The following GPC6 variants were observed in gnomAD, a reference collection of about 807,000 sequenced individuals.
The protein encoded by GPC6 is glypican 6, also known as glypican-6.
GPC6 carries 14 observed loss-of-function variants against 55.2 expected under a neutral mutation model. That is an observed-to-expected ratio of 0.25 (90% CI 0.17 to 0.40). GPC6 has a LOEUF of 0.40. GPC6 is among the 10% of genes least tolerant of loss of function. The probability of loss-of-function intolerance (pLI) is 1.00; values close to 1 mark genes in which losing one functional copy is unlikely to be tolerated. For missense variants in GPC6, 641 were observed against 708.5 expected (o/e 0.90, Z 1.08); for synonymous variants, 278 against 259.6 (o/e 1.07, Z -0.68).
intron 4 of GPC6, among the ~76,000 whole-genome samples, chr13:94,111,184 T>C (rs1180659313): frequency 3.3e-5 from 5 of 152,090 alleles, no homozygotes; most frequent in African/African-American, 1.2e-4. Context: ...TATTTTGTTT[T>C]TTCTCGTTGT....
chr13:93,606,516 A>T (rs561519830), intron 2 of GPC6, among the ~76,000 whole-genome samples: 3 of 152,352 alleles, frequency 2.0e-5, no homozygotes, highest in South Asian at 2.1e-4. Flanking sequence ...TGGTTTGCCC[A>T]CATCTAGGTT....
intron 1 of GPC6, among the ~76,000 whole-genome samples, chr13:93,300,112 A>G (rs1288952046): frequency 6.6e-6 from 1 of 152,240 alleles, no homozygotes; most frequent in African/African-American, 2.4e-5. Context: ...CACCGTTTAC[A>G]TAACACAAGT....
At chr13:94,268,000 A>C (rs1200725024) in intron 4 of GPC6, among the ~76,000 whole-genome samples, 2 of 152,252 alleles carry the variant, frequency 1.3e-5, no homozygotes, top group Non-Finnish European at 2.9e-5. Context: ...AACAGCTAAC[A>C]GTGGAGAGGC....
intron 1 of GPC6, among the ~76,000 whole-genome samples, chr13:93,447,232 C>T (rs2139296560): frequency 6.6e-6 from 1 of 152,244 alleles, no homozygotes; most frequent in South Asian, 2.1e-4. Context: ...GAATTTGTTG[C>T]TTCTTTATAT....
chr13:94,242,377 A>G (rs1891080934), intron 4 of GPC6, among the ~76,000 whole-genome samples: 1 of 152,114 alleles, frequency 6.6e-6, no homozygotes, highest in South Asian at 2.1e-4. Context: ...CATTTGACCC[A>G]GCCATCCCAG....
intron 1 of GPC6, among the ~76,000 whole-genome samples, chr13:93,445,819 G>GT (rs1206846547): frequency 6.6e-6 from 1 of 152,146 alleles, no homozygotes; most frequent in Non-Finnish European, 1.5e-5. Context: ...ATATATGAAT[G>GT]TCAGGAATTT....
chr13:93,248,754 G>C (rs903692601), intron 1 of GPC6, among the ~76,000 whole-genome samples: 15 of 152,194 alleles, frequency 9.9e-5, no homozygotes, highest in African/African-American at 3.4e-4. Context: ...CCAGCCTGTA[G>C]GTGCACCACC....
At chr13:94,007,610 TC>T (rs1384192612) in intron 3 of GPC6, among the ~76,000 whole-genome samples, 3 of 152,178 alleles carry the variant, frequency 2.0e-5, no homozygotes, top group African/African-American at 7.2e-5. Flanking sequence ...GTCTTTGTCG[TC>T]CTTTTCCCCC....
intron 4 of GPC6, among the ~76,000 whole-genome samples, chr13:94,264,848 G>A (rs1279962780): frequency 1.3e-5 from 2 of 152,308 alleles, no homozygotes; most frequent in South Asian, 4.1e-4. Context: ...TCATAATCAT[G>A]GCAGAAGGTG....
chr13:94,346,798 G>A (rs1022369508), intron 6 of GPC6, among the ~76,000 whole-genome samples: 2 of 152,030 alleles, frequency 1.3e-5, no homozygotes, highest in Non-Finnish European at 2.9e-5. Flanking sequence ...GGAGACAGGG[G>A]GAGGTCTTGA....
At chr13:93,918,980 T>A (rs7328176) in intron 3 of GPC6, among the ~76,000 whole-genome samples, 2 of 151,938 alleles carry the variant, frequency 1.3e-5, no homozygotes, top group Non-Finnish European at 2.9e-5. Context: ...GTGTGGGAGG[T>A]GGAACCTGGT....
chr13:94,225,973 C>T (rs1183088565), intron 4 of GPC6, among the ~76,000 whole-genome samples: 1 of 152,020 alleles, frequency 6.6e-6, no homozygotes, highest in Non-Finnish European at 1.5e-5. Flanking sequence ...TTGTGTGATG[C>T]ACCTTTGCTT....
At chr13:94,173,693 C>G (rs1207532986) in intron 4 of GPC6, among the ~76,000 whole-genome samples, 2 of 152,260 alleles carry the variant, frequency 1.3e-5, no homozygotes, top group East Asian at 3.9e-4. Flanking sequence ...ATTTTGAGAA[C>G]ATCACTAGTT....
At chr13:93,250,586 G>T (rs1050070123) in intron 1 of GPC6, among the ~76,000 whole-genome samples, 1 of 152,106 alleles carries the variant, frequency 6.6e-6, no homozygotes, top group Non-Finnish European at 1.5e-5. Context: ...TTGCAACTCC[G>T]CTGCTTTCTG....
At chr13:93,708,246 GA>G (rs1806660928) in intron 2 of GPC6, among the ~76,000 whole-genome samples, 1 of 151,608 alleles carries the variant, frequency 6.6e-6, no homozygotes, top group African/African-American at 2.4e-5. Flanking sequence ...TACTCAACAG[GA>G]AAAAGCGTGT....
intron 1 of GPC6, among the ~76,000 whole-genome samples, chr13:93,237,423 T>C (rs373038715): frequency 2.6e-5 from 4 of 152,284 alleles, no homozygotes; most frequent in African/African-American, 9.6e-5. Flanking sequence ...GATTATTCAT[T>C]TTATTCTTGC....
At chr13:93,590,308 C>T (rs939994368) in intron 2 of GPC6, among the ~76,000 whole-genome samples, 4 of 152,182 alleles carry the variant, frequency 2.6e-5, no homozygotes, top group South Asian at 2.1e-4. Context: ...AGTTCATGTT[C>T]GTCTTATCTA....
chr13:93,328,037 T>C (rs1400312145), intron 1 of GPC6, among the ~76,000 whole-genome samples: 4 of 152,104 alleles, frequency 2.6e-5, no homozygotes, highest in African/African-American at 9.7e-5. Context: ...TTTTTTATTT[T>C]TTTCCTTCCA....
intron 1 of GPC6, among the ~76,000 whole-genome samples, chr13:93,502,452 C>A (rs1880559291): frequency 6.6e-6 from 1 of 152,166 alleles, no homozygotes; most frequent in East Asian, 1.9e-4. Context: ...CTATACCCAA[C>A]CTGTGGTTTT....
Sources: gnomAD v4.1 joint callset for allele counts (sites outside exome capture counted in the v4.1 genomes callset) on GRCh38, gnomAD v4.1.1 for gene constraint, MANE v1.5 for transcripts, NCBI Gene and HGNC (gene_info 2026-07-23, HGNC 2026-07-21) for gene names.